RAB28: variants seen among roughly 807,000 people sequenced by gnomAD.
RAB28 encodes the protein ras-related protein Rab-28.
RAB28 carries 24 observed loss-of-function variants against 31.7 expected under a neutral mutation model. The observed-to-expected ratio is 0.76, with a 90% CI of 0.55 to 1.06. The LOEUF is 1.06. Ranked by LOEUF, RAB28 falls within the 50% of genes least tolerant of loss-of-function variation. RAB28 has a pLI of 0.00. For missense variants in RAB28, 254 were observed against 258.5 expected, an observed-to-expected ratio of 0.98 and a Z score of 0.12; for synonymous variants, 100 against 90.4, an observed-to-expected ratio of 1.11 and a Z score of -0.60.
At chr4:13,470,921 T>C (rs1397677626) in intron 3 of RAB28, among the ~76,000 whole-genome samples, 1 of 152,072 alleles carries the variant, frequency 6.6e-6, no homozygotes, top group African/African-American at 2.4e-5. Context: ...GCAAAGGGAC[T>C]GAAGAGGGTA....
intron 4 of RAB28, among the ~76,000 whole-genome samples, chr4:13,458,472 T>C (rs1221338744): frequency 6.6e-6 from 1 of 152,168 alleles, no homozygotes; most frequent in East Asian, 1.9e-4. Context: ...TGGTAATGTA[T>C]GTAGGTATTG....
chr4:13,383,272 C>T (rs1729213111), intron 4 of RAB28, among the ~76,000 whole-genome samples: 1 of 152,110 alleles, frequency 6.6e-6, no homozygotes, highest in Non-Finnish European at 1.5e-5. Context: ...ATTGAAATCA[C>T]CATCCATTAA....
intron 4 of RAB28, among the ~76,000 whole-genome samples, chr4:13,420,251 T>C (rs1191835056): frequency 6.6e-6 from 1 of 152,156 alleles, no homozygotes; most frequent in Non-Finnish European, 1.5e-5. Context: ...GCTCTGAGCC[T>C]GAGGCAATAA....
At chr4:13,421,910 T>C (rs1713173624) in intron 4 of RAB28, among the ~76,000 whole-genome samples, 1 of 152,086 alleles carries the variant, frequency 6.6e-6, no homozygotes, top group Non-Finnish European at 1.5e-5. Context: ...TGGGATCTAA[T>C]TAAACTAAAG....
intron 3 of RAB28, among the ~76,000 whole-genome samples, chr4:13,470,281 T>C (rs562954938): frequency 3.1e-4 from 47 of 152,214 alleles, no homozygotes; most frequent in Non-Finnish European, 6.0e-4. Flanking sequence ...GCTTTATAAG[T>C]ATAACCCGTA....
At chr4:13,447,581 T>C (rs1203436704) in intron 4 of RAB28, among the ~76,000 whole-genome samples, 1 of 152,196 alleles carries the variant, frequency 6.6e-6, no homozygotes, top group Non-Finnish European at 1.5e-5. Context: ...TGGAAAATAC[T>C]TAAATTCTAA....
intron 3 of RAB28, among the ~76,000 whole-genome samples, chr4:13,470,927 G>C (rs138710233): frequency 8.5e-4 from 130 of 152,180 alleles, no homozygotes; most frequent in African/African-American, 2.9e-3. Context: ...GGACTGAAGA[G>C]GGTAAAATAA....
intron 6 of RAB28, among the ~76,000 whole-genome samples, chr4:13,368,942 C>A (rs987485862): frequency 2.6e-5 from 4 of 151,262 alleles, no homozygotes; most frequent in Admixed American, 6.6e-5. Flanking sequence ...AAAAATTAAA[C>A]CCTGATAATA....
intron 6 of RAB28, 132 bp downstream of exon 6, chr4:13,376,413 A>C: frequency 1.8e-6 from 1 of 570,930 alleles, no homozygotes; most frequent in Non-Finnish European, 3.0e-6. Context: ...ACTGATTCAT[A>C]CATACAATCT....
intron 4 of RAB28, among the ~76,000 whole-genome samples, chr4:13,386,919 A>G (rs543462172): frequency 5.8e-4 from 89 of 152,308 alleles, no homozygotes; most frequent in Middle Eastern, 3.4e-3. Flanking sequence ...TACAGCCATG[A>G]AAAAGGAGAT....
intron 4 of RAB28, among the ~76,000 whole-genome samples, chr4:13,390,008 A>G (rs1336943997): frequency 6.6e-6 from 1 of 152,182 alleles, no homozygotes; most frequent in Non-Finnish European, 1.5e-5. Flanking sequence ...CAAGACAAGG[A>G]TTCCTTTCTC....
At chr4:13,436,282 G>A (rs574377174) in intron 4 of RAB28, among the ~76,000 whole-genome samples, 9 of 152,018 alleles carry the variant, frequency 5.9e-5, no homozygotes, top group South Asian at 2.1e-4. Context: ...AGCAATCCCC[G>A]TAAGAACTGC....
Position 13,420,904 on chromosome 4 carries a change from G to A in RAB28, c.392-39310C>T, listed in dbSNP as rs189428682. 2.0e-3 allele frequency among the ~76,000 whole-genome samples: 301 copies of A among 152,218 alleles called. 2 individuals carry two copies. The highest frequency in any genetic ancestry group is 6.8e-3 in the Middle Eastern group (2 of 294). On this transcript the variant is annotated intron_variant, in intron 4 of 6. Coordinates refer to ENST00000330852, the MANE Select transcript of RAB28 (RefSeq NM_001017979.3). ...CAACATAGTGTTGGAAGTTCTGGCC[G>A]AGCAATCAGGCAAGAGAAAGAAATA...
In RAB28 at chr4:13,420,070, G is replaced by A. The variant is rs186672945; in HGVS notation, c.392-38476C>T. Reference sequence around the variant, plus strand: ...ATAGATGCAATAAAAAATGATAAAGGGGATATCACCACAGATCCCACAGAA... The same window carrying A: ...ATAGATGCAATAAAAAATGATAAAGAGGATATCACCACAGATCCCACAGAA... On this transcript the variant is annotated intron_variant, in intron 4 of 6. Coordinates refer to ENST00000330852, the MANE Select transcript of RAB28 (RefSeq NM_001017979.3). 4.6e-3 allele frequency among the ~76,000 whole-genome samples: 695 copies of A among 152,124 alleles called. 9 individuals carry two copies. Among genetic ancestry groups the A allele is most frequent in the Non-Finnish European group, 4.9e-3 (332 of 67,988 alleles).
chr4:13,465,414 C>A, intron 3 of RAB28, among the ~76,000 whole-genome samples: 1 of 150,590 alleles, frequency 6.6e-6, no homozygotes, highest in Non-Finnish European at 1.5e-5. Flanking sequence ...GGAAAATATC[C>A]TATCTATAAA....
chr4:13,382,439 T>G (rs932916916), intron 4 of RAB28, among the ~76,000 whole-genome samples: 6 of 152,016 alleles, frequency 3.9e-5, no homozygotes, highest in African/African-American at 1.4e-4. Flanking sequence ...AAAAAAAACT[T>G]AAACTGATTT....
chr4:13,401,557 C>T (rs75109147), intron 4 of RAB28, among the ~76,000 whole-genome samples: 1 of 152,092 alleles, frequency 6.6e-6, no homozygotes, highest in South Asian at 2.1e-4. Flanking sequence ...GGAATTTGTT[C>T]GTTTAATCTA....
chr4:13,383,699 T>G (rs936600097), intron 4 of RAB28, among the ~76,000 whole-genome samples: 3 of 152,142 alleles, frequency 2.0e-5, no homozygotes, highest in African/African-American at 7.2e-5. Context: ...GCTTTTCCTG[T>G]GCTGTTCTCA....
At chr4:13,407,257 A>G (rs1271358849) in intron 4 of RAB28, among the ~76,000 whole-genome samples, 1 of 152,140 alleles carries the variant, frequency 6.6e-6, no homozygotes, top group African/African-American at 2.4e-5. Context: ...CATTTATTAA[A>G]CAGAGAATCC....
Sources: allele counts gnomAD v4.1 joint callset (sites outside exome capture counted in the v4.1 genomes callset), GRCh38; gene constraint gnomAD v4.1.1; transcripts MANE v1.5; gene names NCBI Gene and HGNC (gene_info 2026-07-23, HGNC 2026-07-21).